The following SPACA7 variants were observed in gnomAD, a reference collection of about 807,000 sequenced individuals.
The protein encoded by SPACA7 is sperm acrosome associated 7, also known as sperm acrosome-associated protein 7.
A neutral mutation model predicts 26.3 loss-of-function variants in SPACA7; 19 were observed. The ratio of observed to expected loss-of-function variants is 0.72; its 90% CI spans 0.50 to 1.06. The LOEUF (loss-of-function observed/expected upper bound fraction) is 1.06. Among genes scored for constraint, SPACA7 ranks in the 50% least tolerant of loss-of-function variants. SPACA7 has a pLI of 0.00. For missense variants in SPACA7, 211 were observed against 229.9 expected (o/e 0.92, Z 0.53); for synonymous variants, 84 against 84.5 (o/e 0.99, Z 0.04).
chr13:112,398,316 G>A (rs1885416570), intron 3 of SPACA7, among the ~76,000 whole-genome samples, 178 bp downstream of exon 3: 1 of 151,930 alleles, frequency 6.6e-6, no homozygotes, highest in African/African-American at 2.4e-5. Flanking sequence ...AGCTTCCCGA[G>A]ACAGAGGAAG....
At chr13:112,404,369 G>T (rs1885841078) in intron 5 of SPACA7, among the ~76,000 whole-genome samples, 1 of 152,186 alleles carries the variant, frequency 6.6e-6, no homozygotes, top group Non-Finnish European at 1.5e-5. Context: ...TCTGTGGATT[G>T]TCTGTTCACT....
chr13:112,433,855 T>C (rs3968327), intron 6 of SPACA7, among the ~76,000 whole-genome samples: 145,495 of 150,096 alleles, frequency 0.97, 70,566 homozygotes, highest in Non-Finnish European at 1. Flanking sequence ...ATATCCCAGA[T>C]TGTGCCACTG....
At chr13:112,391,444 G>T (rs1220447747) in intron 1 of SPACA7, among the ~76,000 whole-genome samples, 1 of 152,196 alleles carries the variant, frequency 6.6e-6, no homozygotes, top group East Asian at 1.9e-4. Context: ...ATTGAGAAGG[G>T]TGCAGTGCTG....
At chr13:112,433,038 C>T (rs1877326993) in intron 6 of SPACA7, among the ~76,000 whole-genome samples, 1 of 152,148 alleles carries the variant, frequency 6.6e-6, no homozygotes, top group Non-Finnish European at 1.5e-5. Context: ...TGTCCCTGGC[C>T]CCAGGCTTCT....
At chr13:112,399,367 G>T (rs1293771686) in intron 4 of SPACA7, among the ~76,000 whole-genome samples, 194 bp downstream of exon 4, 2 of 152,248 alleles carry the variant, frequency 1.3e-5, no homozygotes, top group African/African-American at 4.8e-5. Context: ...CTCACCCCCT[G>T]CTGTGGGGCC....
At chr13:112,382,256 T>C (rs761967910) in intron 1 of SPACA7, 8 of 568,698 alleles carry the variant, frequency 1.4e-5, no homozygotes, top group Non-Finnish European at 2.1e-5. Context: ...TTTGTTGTTT[T>C]GTTTTGTTTT....
At chr13:112,426,142 A>G (rs6577082) in intron 5 of SPACA7, among the ~76,000 whole-genome samples, 2,717 of 152,336 alleles carry the variant, frequency 0.018, 78 homozygotes, top group African/African-American at 0.062. Flanking sequence ...TTGCATATTC[A>G]TGTCCAATTG....
intron 1 of SPACA7, among the ~76,000 whole-genome samples, chr13:112,381,616 G>A (rs150849360): frequency 5.3e-5 from 8 of 152,240 alleles, no homozygotes; most frequent in African/African-American, 1.4e-4. Context: ...AGTAATTCAC[G>A]CAGAGCCAGC....
intron 5 of SPACA7, among the ~76,000 whole-genome samples, chr13:112,415,500 C>A (rs1453570212): frequency 6.6e-6 from 1 of 152,150 alleles, no homozygotes; most frequent in Non-Finnish European, 1.5e-5. Context: ...GAATCAGGAG[C>A]TTCAGGGTTC....
chr13:112,388,546 G>A (rs974404984), intron 1 of SPACA7, among the ~76,000 whole-genome samples: 4 of 152,214 alleles, frequency 2.6e-5, no homozygotes, highest in Non-Finnish European at 4.4e-5. Context: ...TGGGCTGGCT[G>A]GCTTCTGGAT....
At chr13:112,422,894 G>C (rs1240704276) in intron 5 of SPACA7, among the ~76,000 whole-genome samples, 1 of 152,114 alleles carries the variant, frequency 6.6e-6, no homozygotes, top group African/African-American at 2.4e-5. Flanking sequence ...ACTAACATCA[G>C]AATTTTCTGA....
At chr13:112,376,818 TAC>T (rs754614650) in intron 1 of SPACA7, among the ~76,000 whole-genome samples, 16 of 152,114 alleles carry the variant, frequency 1.1e-4, no homozygotes, top group Non-Finnish European at 1.8e-4. Flanking sequence ...CCACACCACA[TAC>T]ACACACTTTT....
intron 4 of SPACA7, among the ~76,000 whole-genome samples, chr13:112,400,523 T>A (rs542473427): frequency 3.9e-5 from 6 of 152,182 alleles, no homozygotes; most frequent in Non-Finnish European, 7.3e-5. Context: ...AGTCTGTGGG[T>A]TATAAAACAC....
chr13:112,377,752 G>T (rs1883784421), intron 1 of SPACA7, among the ~76,000 whole-genome samples: 1 of 152,208 alleles, frequency 6.6e-6, no homozygotes, highest in Non-Finnish European at 1.5e-5. Flanking sequence ...CCCTCCTCTT[G>T]TTCAAGAAAG....
At chr13:112,420,755 C>T (rs1875871257) in intron 5 of SPACA7, among the ~76,000 whole-genome samples, 1 of 151,888 alleles carries the variant, frequency 6.6e-6, no homozygotes, top group Admixed American at 6.6e-5. Flanking sequence ...AACACAGAGA[C>T]ACACACACAC....
chr13:112,381,443 T>C (rs1291601045), intron 1 of SPACA7, among the ~76,000 whole-genome samples: 1 of 148,898 alleles, frequency 6.7e-6, no homozygotes, highest in Non-Finnish European at 1.5e-5. Flanking sequence ...CAGTGAGTCA[T>C]GATCACACCC....
chr13:112,389,575 T>C (rs1206590353), intron 1 of SPACA7, among the ~76,000 whole-genome samples: 1 of 152,216 alleles, frequency 6.6e-6, no homozygotes, highest in African/African-American at 2.4e-5. Flanking sequence ...AAGCACATCT[T>C]TTTTCTCTAA....
intron 1 of SPACA7, among the ~76,000 whole-genome samples, chr13:112,383,720 TGTGG>T (rs755722655): frequency 2.6e-5 from 4 of 152,248 alleles, no homozygotes; most frequent in Non-Finnish European, 4.4e-5. Flanking sequence ...AGGGACTCTG[TGTGG>T]ACAAGGCATG....
At position 112,389,469 on chromosome 13, in the gene SPACA7, CA is replaced by C. The variant is rs79514219; in HGVS notation, c.95-3549del. 2.3e-4 allele frequency among the ~76,000 whole-genome samples: 35 copies of C among 152,310 alleles called. No homozygotes were observed. In the East Asian group the frequency reaches 6.2e-3, roughly 27 times the overall value. Reference sequence around the variant, plus strand: ...ACTGTCTTTATTTAACAAACAGTCTCAAACTAGCTTTATATATCAACCATCC... The same window carrying C: ...ACTGTCTTTATTTAACAAACAGTCTCAACTAGCTTTATATATCAACCATCC... On this transcript the variant is annotated intron_variant, in intron 1 of 6. Coordinates refer to ENST00000283550, the MANE Select transcript of SPACA7 (RefSeq NM_145248.5).
Sources: allele counts gnomAD v4.1 joint callset (sites outside exome capture counted in the v4.1 genomes callset), GRCh38; gene constraint gnomAD v4.1.1; transcripts MANE v1.5; gene names NCBI Gene and HGNC (gene_info 2026-07-23, HGNC 2026-07-21).